The following DUSP19 variants were observed in gnomAD, a reference collection of about 807,000 sequenced individuals.
DUSP19 encodes the protein dual specificity protein phosphatase 19.
DUSP19 carries 14 observed loss-of-function variants against 16.6 expected under a neutral mutation model. The observed-to-expected ratio is 0.84, with a 90% CI of 0.56 to 1.32. The LOEUF (loss-of-function observed/expected upper bound fraction) is 1.32, where lower values mean the gene tolerates loss of function less well. Among genes scored for constraint, DUSP19 ranks in the 40% most tolerant of loss-of-function variants. The probability of loss-of-function intolerance (pLI) is 0.00; values close to 1 mark genes in which losing one functional copy is unlikely to be tolerated. For missense variants in DUSP19, 258 were observed against 255.9 expected, an observed-to-expected ratio of 1.01 and a Z score of -0.06; for synonymous variants, 81 against 90.5, an observed-to-expected ratio of 0.90 and a Z score of 0.59.
rs117805714 is a variant in DUSP19 at position 183,084,932 on chromosome 2, G to C, written c.273+1378G>C. Among the ~76,000 whole-genome samples, 695 of 152,262 alleles carry C rather than the reference G, an allele frequency of 4.6e-3. 17 individuals are homozygous for C. In the East Asian group the frequency reaches 0.075, roughly 17 times the overall value. ...TTACTTATGAGGCAGGATAGGGAGTGGGGCTAAGGGAGAAGGAGGAGTCAA... is the reference window on the plus strand; with the variant it reads ...TTACTTATGAGGCAGGATAGGGAGTCGGGCTAAGGGAGAAGGAGGAGTCAA... On this transcript the variant is annotated intron_variant, in intron 2 of 3. Transcript: ENST00000354221.
chr2:183,080,092 T>C (rs571279511), intron 1 of DUSP19, among the ~76,000 whole-genome samples: 1 of 152,306 alleles, frequency 6.6e-6, no homozygotes, highest in East Asian at 1.9e-4. Context: ...ACCTGGTAAA[T>C]AACAGACGTA....
At chr2:183,090,674 C>T (rs972407818) in intron 3 of DUSP19, among the ~76,000 whole-genome samples, 1 of 152,150 alleles carries the variant, frequency 6.6e-6, no homozygotes, top group Admixed American at 6.5e-5. Flanking sequence ...AAAATAGTAT[C>T]ATACAGTTTA....
At chr2:183,092,171 A>G (rs753602277) in intron 3 of DUSP19, among the ~76,000 whole-genome samples, 3 of 152,170 alleles carry the variant, frequency 2.0e-5, no homozygotes, top group Non-Finnish European at 4.4e-5. Flanking sequence ...TTTTCATTCC[A>G]CTGCAAAATT....
Position 183,079,151 on chromosome 2 carries a change from T to G in DUSP19, c.218T>G (p.Leu73Trp), listed in dbSNP as rs772975726. ...DLQVGVIKPWLLLGSQDAAHD... is the reference protein window; with the variant it reads ...DLQVGVIKPWWLLGSQDAAHD... ...CAAGTTGGCGTTATTAAGCCATGGT[T>G]GCTCCTAGGTGAGTATATCGACTTG... The change falls in exon 1 of 4, where the codon TTG becomes TGG. Residue 73 changes from leucine to tryptophan, a missense_variant. Coordinates refer to ENST00000354221, the MANE Select transcript of DUSP19 (RefSeq NM_080876.4). 45 of 1,613,012 alleles carry G rather than the reference T, an allele frequency of 2.8e-5. No individual in the cohort carries two copies. The East Asian group carries it at 8.9e-4, about 32-fold the overall frequency.
In DUSP19 at chr2:183,098,817, T is replaced by G. The variant is rs1699837232; in HGVS notation, c.*3159T>G. On this transcript the variant is annotated 3_prime_UTR_variant, in exon 4 of 4. Coordinates refer to ENST00000354221, the MANE Select transcript of DUSP19 (RefSeq NM_080876.4). Reference sequence around the variant, plus strand: ...CTAATTTTATGCCTTAAAATAGGTTTCTGATTACATAAAATTTGAATAGAA... The same window carrying G: ...CTAATTTTATGCCTTAAAATAGGTTGCTGATTACATAAAATTTGAATAGAA... 1 of 152,204 alleles carries G rather than the reference T, an allele frequency of 6.6e-6. No homozygotes were observed. The highest frequency in any genetic ancestry group is 1.5e-5 in the Non-Finnish European group (1 of 68,018). The allele number at this position is 152,204 out of a possible 1,614,324, so 9.4% of individuals were successfully genotyped here.
rs533126304 is a variant in DUSP19 at position 183,078,778 on chromosome 2, C to G, written c.-156C>G. 1.6e-6 allele frequency: 1 copy of G among 644,618 alleles called. No homozygotes were observed. Among genetic ancestry groups the G allele is most frequent in the Non-Finnish European group, 2.7e-6 (1 of 375,888 alleles). 39.9% of individuals were successfully genotyped at this position (644,618 alleles called of 1,614,324 possible). On this transcript the variant is annotated 5_prime_UTR_variant, in exon 1 of 4. Transcript: ENST00000354221. ...CATCGCTGGGATAAACGGAGCTGGA[C>G]GACTCAGTCTCTTGGTCTGTGGCTG...
At chr2:183,079,193 T>A in intron 1 of DUSP19, 34 bp downstream of exon 1, 1 of 1,583,738 alleles carries the variant, frequency 6.3e-7, no homozygotes, top group African/African-American at 1.3e-5. Flanking sequence ...GATCATTGAG[T>A]CCTTTTAGCC....
At chr2:183,092,705 T>A (rs1186913270) in intron 3 of DUSP19, among the ~76,000 whole-genome samples, 13 of 148,858 alleles carry the variant, frequency 8.7e-5, no homozygotes, top group Non-Finnish European at 1.9e-4. Flanking sequence ...CCAAGTTTTT[T>A]TTTTTTTTTT....
chr2:183,080,354 T>C (rs1362401842), intron 1 of DUSP19, among the ~76,000 whole-genome samples: 1 of 152,232 alleles, frequency 6.6e-6, no homozygotes, highest in Non-Finnish European at 1.5e-5. Context: ...ATATAAGTTA[T>C]TAAATATTAT....
intron 3 of DUSP19, among the ~76,000 whole-genome samples, chr2:183,094,134 A>G (rs965925960): frequency 2.6e-5 from 4 of 152,174 alleles, no homozygotes; most frequent in African/African-American, 9.6e-5. Flanking sequence ...AAAACAATTG[A>G]TATTTTCCTT....
At chr2:183,090,535 C>G (rs185315667) in intron 3 of DUSP19, among the ~76,000 whole-genome samples, 7 of 152,162 alleles carry the variant, frequency 4.6e-5, no homozygotes, top group African/African-American at 1.7e-4. Context: ...AAAAACATGA[C>G]GTAAGTAGTC....
intron 3 of DUSP19, among the ~76,000 whole-genome samples, chr2:183,091,847 A>G (rs1266919256): frequency 6.6e-6 from 1 of 152,152 alleles, no homozygotes; most frequent in Non-Finnish European, 1.5e-5. Context: ...TCGGAGTAAA[A>G]CAGCCTTAGG....
At chr2:183,085,847 G>GTTT (rs71008261) in intron 2 of DUSP19, among the ~76,000 whole-genome samples, 561 of 50,920 alleles carry the variant, frequency 0.011, 195 homozygotes, top group East Asian at 0.021. Flanking sequence ...AGGTTGTTAG[G>GTTT]TTTTTTTTTT....
At chr2:183,091,623 A>G (rs1230344770) in intron 3 of DUSP19, among the ~76,000 whole-genome samples, 1 of 152,228 alleles carries the variant, frequency 6.6e-6, no homozygotes, top group Non-Finnish European at 1.5e-5. Context: ...GATTGGTTGC[A>G]AAAAGCAACC....
chr2:183,079,200 A>G (rs370983383), intron 1 of DUSP19, 41 bp downstream of exon 1: 20 of 1,563,872 alleles, frequency 1.3e-5, no homozygotes, highest in Non-Finnish European at 1.2e-5. Context: ...GAGTCCTTTT[A>G]GCCAGATTAC....
In DUSP19 at chr2:183,079,106, A is replaced by G. The variant is rs201056382; in HGVS notation, c.173A>G (p.Gln58Arg). 78 of 1,614,134 alleles carry G rather than the reference A, an allele frequency of 4.8e-5. No homozygotes were observed. In the East Asian group the frequency reaches 1.5e-3, roughly 32 times the overall value. The part of the protein sequence containing the change: ...PSSGGGCGYV[Q>R]DLSSDLQVGV... ...AGTGGGGGTGGTTGTGGTTATGTGC[A>G]GGACCTTAGCTCGGACCTGCAAGTT... is the stretch of plus-strand genomic sequence containing the variant. The change falls in exon 1 of 4, where the codon CAG becomes CGG. Residue 58 changes from glutamine (Q) to arginine (R), a missense_variant. Physicochemically the swap from Gln to Arg is conservative, Grantham distance 43. Transcript: ENST00000354221.
chr2:183,098,700 T>C lies in DUSP19; in HGVS notation c.*3042T>C, dbSNP rs1278449465. On this transcript the variant is annotated 3_prime_UTR_variant, in exon 4 of 4. Coordinates refer to ENST00000354221, the MANE Select transcript of DUSP19 (RefSeq NM_080876.4). ...AATATGGAGGCTTTAAACCGCAAAC[T>C]GAAAAAGCTGAGTAGAACAAAGGCA... 1.3e-5 allele frequency: 2 copies of C among 152,190 alleles called. No homozygotes were observed. The highest frequency in any genetic ancestry group is 4.8e-5 in the African/African-American group (2 of 41,448). 9.4% of individuals were successfully genotyped at this position (152,190 alleles called of 1,614,324 possible).
At chr2:183,084,761 G>T (rs975531934) in intron 2 of DUSP19, among the ~76,000 whole-genome samples, 22 of 152,170 alleles carry the variant, frequency 1.4e-4, no homozygotes, top group African/African-American at 5.3e-4. Context: ...TTGGAGGGTT[G>T]CTCAAGTTAG....
At chr2:183,093,811 T>C (rs190639832) in intron 3 of DUSP19, among the ~76,000 whole-genome samples, 3 of 152,298 alleles carry the variant, frequency 2.0e-5, no homozygotes, top group East Asian at 1.9e-4. Flanking sequence ...GCAGGAAATA[T>C]TAAAAGTGAC....
Sources: gnomAD v4.1 joint callset for allele counts (sites outside exome capture counted in the v4.1 genomes callset) on GRCh38, gnomAD v4.1.1 for gene constraint, MANE v1.5 for transcripts, NCBI Gene and HGNC (gene_info 2026-07-23, HGNC 2026-07-21) for gene names.